The following NPAS1 variants were observed in gnomAD, a reference collection of about 807,000 sequenced individuals.
The protein encoded by NPAS1 is neuronal PAS domain protein 1.
A neutral mutation model predicts 49.2 loss-of-function variants in NPAS1; 29 were observed. The observed-to-expected ratio is 0.59, with a 90% CI of 0.44 to 0.80. NPAS1 has a LOEUF of 0.80. Ranked by LOEUF, NPAS1 falls within the 30% of genes least tolerant of loss-of-function variation. The pLI, the probability that NPAS1 is intolerant of heterozygous loss-of-function variation, is 0.00. For missense variants in NPAS1, 825 were observed against 835.5 expected, an observed-to-expected ratio of 0.99 and a Z score of 0.15; for synonymous variants, 408 against 380.4, an observed-to-expected ratio of 1.07 and a Z score of -0.84.
chr19:47,045,424 C>T lies in NPAS1; in HGVS notation c.1546C>T (p.Pro516Ser), dbSNP rs747338082. The change falls in exon 12 of 12, where the codon CCC becomes TCC. Residue 516 changes from proline to serine, a missense_variant. By Grantham distance (74) the Pro-to-Ser change is moderately conservative. Coordinates refer to ENST00000602212, the MANE Select transcript of NPAS1 (RefSeq NM_002517.4). ...GGTGCGGCCATGGGGCCTGGCGCCTCCCGGGGACCCCCCGCCCACCCTCCT... is the reference window on the plus strand; with the variant it reads ...GGTGCGGCCATGGGGCCTGGCGCCTTCCGGGGACCCCCCGCCCACCCTCCT... Reference protein sequence around the residue: ...DPVRPWGLAPPGDPPPTLLHA... With the variant: ...DPVRPWGLAPSGDPPPTLLHA... 1.2e-6 allele frequency: 2 copies of T among 1,606,118 alleles called. No homozygotes were observed. The highest frequency in any genetic ancestry group is 1.1e-5 in the South Asian group (1 of 90,406).
intron 3 of NPAS1, among the ~76,000 whole-genome samples, chr19:47,026,826 T>TG (rs1555770676): frequency 6.6e-6 from 1 of 151,714 alleles, no homozygotes; most frequent in Non-Finnish European, 1.5e-5. Context: ...ATGGTGGTGG[T>TG]GCCTGTACTC....
At position 47,021,691 on chromosome 19, in the gene NPAS1, C is replaced by G; in HGVS notation, c.202C>G (p.Leu68Val). ...RGKENLEFFE[L>V]AKLLPLPGAI... ...GAAGGAGAACCTGGAGTTCTTCGAG[C>G]TGGCCAAGCTTCTCCCGCTGCCCGG... Residue 68 changes from leucine (L) to valine (V), a missense_variant, in exon 3 of 12, where the codon CTG becomes GTG. Leu to Val is a conservative substitution (Grantham distance 32). Coordinates refer to ENST00000602212, the MANE Select transcript of NPAS1 (RefSeq NM_002517.4). The surrounding 1 kb of genome is among the most constrained non-coding windows in gnomAD (Gnocchi z 5.7). The G allele has an allele frequency of 6.4e-7, 1 of 1,561,526 alleles. No homozygotes were observed. Among genetic ancestry groups the G allele is most frequent in the East Asian group, 2.4e-5 (1 of 41,284 alleles).
At chr19:47,039,983 G>A (rs7252158) in intron 8 of NPAS1, among the ~76,000 whole-genome samples, 94,111 of 151,974 alleles carry the variant, frequency 0.62, 30,946 homozygotes, top group Non-Finnish European at 0.73. Context: ...TAGCATCCAC[G>A]CGAATACTCG....
intron 11 of NPAS1, 119 bp from the exon 12 acceptor site, chr19:47,045,072 A>T (rs1283626157): frequency 5.2e-6 from 5 of 956,334 alleles, no homozygotes; most frequent in Non-Finnish European, 7.8e-6. Context: ...AAACAAAAAA[A>T]AAAACCCCAC....
intron 3 of NPAS1, among the ~76,000 whole-genome samples, chr19:47,023,723 T>C (rs1189582133): frequency 6.6e-6 from 1 of 151,086 alleles, no homozygotes; most frequent in Non-Finnish European, 1.5e-5. Flanking sequence ...GGCGCCAAGG[T>C]GGGAGGAAAG....
intron 3 of NPAS1, among the ~76,000 whole-genome samples, chr19:47,024,114 T>C (rs1319974018): frequency 1.3e-5 from 2 of 151,090 alleles, no homozygotes; most frequent in Admixed American, 6.6e-5. Flanking sequence ...AAAAAATATA[T>C]AAAAATAAAA....
chr19:47,035,500 G>A, intron 5 of NPAS1: 1 of 156,776 alleles, frequency 6.4e-6, no homozygotes, highest in Non-Finnish European at 1.4e-5. Flanking sequence ...AGAGATTTAC[G>A]GGTAGAATTG....
At chr19:47,043,056 C>T (rs866908191) in intron 11 of NPAS1, 152 bp downstream of exon 11, 7 of 522,576 alleles carry the variant, frequency 1.3e-5, no homozygotes, top group African/African-American at 2.0e-5. Flanking sequence ...CCTGTAATCC[C>T]AGCACTTTGG....
intron 3 of NPAS1, among the ~76,000 whole-genome samples, chr19:47,027,959 T>C (rs535252914): frequency 6.6e-6 from 1 of 151,478 alleles, no homozygotes; most frequent in South Asian, 2.1e-4. Flanking sequence ...CATCGGGGAG[T>C]TGGTGGGATC....
chr19:47,045,077 C>A lies in NPAS1; in HGVS notation c.1313-114C>A, dbSNP rs77576660. 641 of 956,910 alleles carry A rather than the reference C, an allele frequency of 6.7e-4. 15 individuals carry two copies. The African/African-American group carries it at 9.5e-3, about 14-fold the overall frequency. 59.3% of individuals were successfully genotyped at this position (956,910 alleles called of 1,614,324 possible). ...CAAAACAAACAAACAAAAAAAAAAA[C>A]CCCACTCCCAGCTGAGAACTACAGG... On this transcript the variant is annotated intron_variant, in intron 11 of 11. Transcript: ENST00000602212.
At chr19:47,044,510 A>G (rs2057054586) in intron 11 of NPAS1, among the ~76,000 whole-genome samples, 1 of 152,244 alleles carries the variant, frequency 6.6e-6, no homozygotes, top group Non-Finnish European at 1.5e-5. Flanking sequence ...TTACCACAGA[A>G]AGCTCTATCC....
intron 3 of NPAS1, among the ~76,000 whole-genome samples, chr19:47,025,785 G>T (rs1244532732): frequency 1.3e-5 from 2 of 151,954 alleles, no homozygotes; most frequent in African/African-American, 4.8e-5. Context: ...ATGTTGCCCA[G>T]GCTGCTCTCA....
chr19:47,045,668 C>T lies in NPAS1; in HGVS notation c.*17C>T, dbSNP rs2057071946. The T allele has an allele frequency of 4.3e-6, 6 of 1,401,160 alleles. No individual in the cohort carries two copies. Among genetic ancestry groups the T allele is most frequent in the African/African-American group, 1.5e-5 (1 of 65,580 alleles). 86.8% of individuals were successfully genotyped at this position (1,401,160 alleles called of 1,614,324 possible). On this transcript the variant is annotated 3_prime_UTR_variant, in exon 12 of 12. Coordinates refer to ENST00000602212, the MANE Select transcript of NPAS1 (RefSeq NM_002517.4). ...GGGGACTGAGGACTGGCAGAGCTGC[C>T]GGCGCCGGACCCTGCGACAACCGGG...
intron 6 of NPAS1, among the ~76,000 whole-genome samples, chr19:47,038,802 G>GCCTGA (rs2056987731): frequency 6.6e-6 from 1 of 151,714 alleles, no homozygotes; most frequent in East Asian, 1.9e-4. Context: ...CTCCAGCCTG[G>GCCTGA]ACAACAGAGT....
Position 47,021,252 on chromosome 19 carries a change from C to T in NPAS1, c.122+83C>T. 1.6e-6 allele frequency: 2 copies of T among 1,250,390 alleles called. No individual in the cohort carries two copies. Among genetic ancestry groups the T allele is most frequent in the Non-Finnish European group, 2.2e-6 (2 of 921,044 alleles). 77.5% of individuals were successfully genotyped at this position (1,250,390 alleles called of 1,614,324 possible). On this transcript the variant is annotated intron_variant, in intron 2 of 11. Transcript: ENST00000602212. This position sits in a 1 kb window ranked among gnomAD's most constrained non-coding sequence, Gnocchi z 5.7. ...GATGTTCTGTCCCCGTGCCAAGGGG[C>T]AGTTCACACCCAGCTCCCTGACCCG...
At chr19:47,029,185 G>GA (rs2056891183) in intron 3 of NPAS1, among the ~76,000 whole-genome samples, 1 of 149,410 alleles carries the variant, frequency 6.7e-6, no homozygotes, top group Non-Finnish European at 1.5e-5. Flanking sequence ...GGGTTCAAGT[G>GA]ATTCTCCTGC....
In NPAS1 at chr19:47,021,639, C is replaced by T. The variant is rs1187456649; in HGVS notation, c.150C>T (p.Ser50=). 6.5e-7 allele frequency: 1 copy of T among 1,547,526 alleles called. No individual in the cohort carries two copies. ...PCLQAQRKEK[S]RNAARSRRGK... is the part of the protein sequence containing the mutation. ...TGCAGGCGCAGCGCAAGGAGAAGTC[C>T]CGGAACGCGGCGCGCTCGCGGCGCG... The change falls in exon 3 of 12, where the codon TCC becomes TCT. Residue 50 remains serine (S), a synonymous_variant. Coordinates refer to ENST00000602212, the MANE Select transcript of NPAS1 (RefSeq NM_002517.4). The surrounding 1 kb of genome is among the most constrained non-coding windows in gnomAD (Gnocchi z 5.7).
rs1406566167 is a variant in NPAS1 at position 47,045,482 on chromosome 19, G to C, written c.1604G>C (p.Gly535Ala). 6.4e-7 allele frequency: 1 copy of C among 1,570,034 alleles called. No individual in the cohort carries two copies. The highest frequency in any genetic ancestry group is 8.6e-7 in the Non-Finnish European group (1 of 1,162,082). Residue 535 changes from glycine to alanine, a missense_variant, in exon 12 of 12, where the codon GGC becomes GCC. Coordinates refer to ENST00000602212, the MANE Select transcript of NPAS1 (RefSeq NM_002517.4). ...GGCTTCCTGCCGCCGGTGGTGCGGG[G>C]CCTGTGCACACCCGGCACCATCCGC... ...HAGFLPPVVR[G>A]LCTPGTIRYG...
In NPAS1 at chr19:47,032,738, G is replaced by A; in HGVS notation, c.522+6G>A. ...TCTATCTGGGTCTCTCACAGGTAAGGGACCCCCAGTGGACCTGGATTGGCT... is the reference window on the plus strand; with the variant it reads ...TCTATCTGGGTCTCTCACAGGTAAGAGACCCCCAGTGGACCTGGATTGGCT... On this transcript the variant is annotated splice_donor_region_variant and intron_variant, in intron 5 of 11. Transcript: ENST00000602212. The A allele has an allele frequency of 1.9e-6, 3 of 1,606,758 alleles. No homozygotes were observed. The highest frequency in any genetic ancestry group is 1.1e-5 in the South Asian group (1 of 90,914).
Sources: allele counts gnomAD v4.1 joint callset (sites outside exome capture counted in the v4.1 genomes callset), GRCh38; gene constraint gnomAD v4.1.1; non-coding constraint Gnocchi (gnomAD v3.1); transcripts MANE v1.5; gene names NCBI Gene and HGNC (gene_info 2026-07-23, HGNC 2026-07-21).